Variants in FGF14 observed in about 807,000 individuals in gnomAD.
FGF14 encodes fibroblast growth factor homologous factor 4.
Under a neutral mutation model 25.5 loss-of-function variants are expected in FGF14, and 5 were observed. The observed-to-expected ratio is 0.20, with a 90% confidence interval of 0.10 to 0.41. The LOEUF (loss-of-function observed/expected upper bound fraction) is 0.41. FGF14 is among the 10% of genes least tolerant of loss of function. The pLI, the probability that FGF14 is intolerant of heterozygous loss-of-function variation, is 1.00. For missense variants in FGF14, 222 were observed against 320.1 expected (o/e 0.69, Z 2.34); for synonymous variants, 138 against 118.3 (o/e 1.17, Z -1.08).
intron 1 of FGF14, among the ~76,000 whole-genome samples, chr13:102,082,371 A>G (rs975435783): frequency 1.3e-5 from 2 of 152,204 alleles, no homozygotes; most frequent in African/African-American, 2.4e-5. Flanking sequence ...AAGAGAAAGC[A>G]GTGATAACAT....
intron 1 of FGF14, among the ~76,000 whole-genome samples, chr13:101,877,654 A>G (rs1325565002): frequency 6.6e-6 from 1 of 152,170 alleles, no homozygotes; most frequent in East Asian, 1.9e-4. Flanking sequence ...AAAAACCAAA[A>G]CCAACTTGTA....
chr13:102,286,101 G>A (rs1359371039), intron 1 of FGF14, among the ~76,000 whole-genome samples: 1 of 152,172 alleles, frequency 6.6e-6, no homozygotes, highest in Non-Finnish European at 1.5e-5. Context: ...CTCCAACTTG[G>A]TAGAGGGAGG....
At chr13:101,848,911 T>C (rs1170101170) in intron 3 of FGF14, among the ~76,000 whole-genome samples, 1 of 152,090 alleles carries the variant, frequency 6.6e-6, no homozygotes, top group Non-Finnish European at 1.5e-5. Flanking sequence ...TGAATGTTAA[T>C]AGTTTCTTTA....
At chr13:102,288,487 C>T (rs1409937050) in intron 1 of FGF14, among the ~76,000 whole-genome samples, 1 of 152,146 alleles carries the variant, frequency 6.6e-6, no homozygotes, top group African/African-American at 2.4e-5. Flanking sequence ...ACAAAAGTAT[C>T]CACTTTTTGC....
intron 1 of FGF14, among the ~76,000 whole-genome samples, chr13:102,020,429 T>A (rs1190400876): frequency 6.6e-6 from 1 of 152,026 alleles, no homozygotes; most frequent in Non-Finnish European, 1.5e-5. Flanking sequence ...ATGCCTGTAA[T>A]CCCAGCTACT....
intron 1 of FGF14, among the ~76,000 whole-genome samples, chr13:102,322,459 G>A (rs2056280621): frequency 1.3e-5 from 2 of 152,118 alleles, no homozygotes; most frequent in South Asian, 4.1e-4. Flanking sequence ...GATTTTAATG[G>A]CTGGTGGTGA....
chr13:102,092,121 A>T (rs527652144), intron 1 of FGF14, among the ~76,000 whole-genome samples: 1 of 152,214 alleles, frequency 6.6e-6, no homozygotes, highest in African/African-American at 2.4e-5. Context: ...AAAATGATGA[A>T]CAACTCTTGA....
intron 1 of FGF14, among the ~76,000 whole-genome samples, chr13:102,163,612 T>A (rs984279833): frequency 2.6e-5 from 4 of 152,118 alleles, no homozygotes; most frequent in Middle Eastern, 3.2e-3. Context: ...CACTTTGATC[T>A]GGGTGGATGG....
chr13:102,085,744 C>G (rs577860344), intron 1 of FGF14, among the ~76,000 whole-genome samples: 5 of 152,134 alleles, frequency 3.3e-5, no homozygotes, highest in Admixed American at 6.5e-5. Context: ...ATAATGAAAC[C>G]AATCACTTAA....
chr13:102,220,444 C>T (rs1411753652), intron 1 of FGF14, among the ~76,000 whole-genome samples: 1 of 152,030 alleles, frequency 6.6e-6, no homozygotes, highest in Non-Finnish European at 1.5e-5. Context: ...CCTTTTAAAA[C>T]ACAGAAATTT....
At chr13:102,207,410 A>T (rs2049973847) in intron 1 of FGF14, among the ~76,000 whole-genome samples, 1 of 152,012 alleles carries the variant, frequency 6.6e-6, no homozygotes. Flanking sequence ...CAAAGTTTCT[A>T]AACTCAGGGA....
intron 1 of FGF14, among the ~76,000 whole-genome samples, chr13:101,978,251 G>C (rs2038046201): frequency 6.6e-6 from 1 of 152,158 alleles, no homozygotes; most frequent in Admixed American, 6.5e-5. Flanking sequence ...TCCTTGCCTT[G>C]CTAATGAAGT....
At chr13:101,744,798 C>CA (rs2036779863) in intron 3 of FGF14, among the ~76,000 whole-genome samples, 1 of 151,990 alleles carries the variant, frequency 6.6e-6, no homozygotes, top group Admixed American at 6.6e-5. Flanking sequence ...TACTTATTAA[C>CA]ACATGCGTGT....
chr13:102,049,497 T>C (rs1354642829), intron 1 of FGF14, among the ~76,000 whole-genome samples: 1 of 152,120 alleles, frequency 6.6e-6, no homozygotes, highest in Non-Finnish European at 1.5e-5. Flanking sequence ...CAGAATTGGA[T>C]TTCCAAAAGT....
At chr13:102,267,267 G>A (rs1236122254) in intron 1 of FGF14, among the ~76,000 whole-genome samples, 1 of 152,146 alleles carries the variant, frequency 6.6e-6, no homozygotes, top group South Asian at 2.1e-4. Context: ...TCAATGAAGG[G>A]ACCTGAGACT....
intron 1 of FGF14, among the ~76,000 whole-genome samples, chr13:101,909,182 C>A (rs1039490595): frequency 5.9e-5 from 9 of 152,094 alleles, no homozygotes; most frequent in Non-Finnish European, 1.0e-4. Context: ...TAGGCATGTG[C>A]GAGGACTTCA....
At chr13:102,152,570 A>T (rs978044951) in intron 1 of FGF14, among the ~76,000 whole-genome samples, 1 of 152,186 alleles carries the variant, frequency 6.6e-6, no homozygotes, top group African/African-American at 2.4e-5. Flanking sequence ...ATTTTGGAGT[A>T]TAGGGAGTGA....
intron 1 of FGF14, among the ~76,000 whole-genome samples, chr13:102,116,398 A>C (rs1449100509): frequency 6.6e-6 from 1 of 152,116 alleles, no homozygotes; most frequent in East Asian, 1.9e-4. Context: ...ATGTGTATAT[A>C]TGCACGTATA....
intron 3 of FGF14, among the ~76,000 whole-genome samples, chr13:101,854,369 A>T (rs1030015559): frequency 1.3e-5 from 2 of 152,100 alleles, no homozygotes; most frequent in African/African-American, 4.8e-5. Context: ...TTCATCACTG[A>T]GATTGCTCTA....
Sources: allele counts gnomAD v4.1 joint callset (sites outside exome capture counted in the v4.1 genomes callset), GRCh38; gene constraint gnomAD v4.1.1; transcripts MANE v1.5; gene names NCBI Gene and HGNC (gene_info 2026-07-23, HGNC 2026-07-21).